Variants in TRMT11 observed in about 807,000 individuals in gnomAD.
TRMT11 encodes tRNA (guanine(10)-N(2))-methyltransferase TRMT11.
TRMT11 carries 53 observed loss-of-function variants against 62.8 expected under a neutral mutation model. That is an observed-to-expected ratio of 0.84 (90% CI 0.68 to 1.06). The LOEUF is 1.06. Ranked by LOEUF, TRMT11 falls within the 50% of genes least tolerant of loss-of-function variation. TRMT11 has a pLI of 0.00. For synonymous variants in TRMT11, 188 were observed against 190.3 expected, an observed-to-expected ratio of 0.99 and a Z score of 0.10; for missense variants, 556 against 553.4, an observed-to-expected ratio of 1.00 and a Z score of -0.05.
At chr6:126,123,508 A>G (rs1477862395) in intron 21 of TRMT11, among the ~76,000 whole-genome samples, 2 of 152,100 alleles carry the variant, frequency 1.3e-5, no homozygotes, top group Non-Finnish European at 2.9e-5. Flanking sequence ...CTTGTCCTTC[A>G]ACCTTGACTT....
chr6:126,107,409 A>G (rs1777476612), intron 17 of TRMT11, among the ~76,000 whole-genome samples: 1 of 152,138 alleles, frequency 6.6e-6, no homozygotes. Flanking sequence ...ATACCCTGAC[A>G]AGGTATGAAC....
chr6:126,102,254 T>C (rs1264024280), intron 17 of TRMT11, among the ~76,000 whole-genome samples: 1 of 152,180 alleles, frequency 6.6e-6, no homozygotes, highest in East Asian at 1.9e-4. Flanking sequence ...GCCAACCCTA[T>C]ATTAAATAAA....
In TRMT11 at chr6:126,005,347, T is replaced by A. The variant is rs1239846892; in HGVS notation, c.680-3045T>A. Among the ~76,000 whole-genome samples the A allele has an allele frequency of 5.1e-4, 77 of 152,092 alleles. 1 individual carries two copies. Among genetic ancestry groups the A allele is most frequent in the Admixed American group, 5.0e-3 (77 of 15,256 alleles). On this transcript the variant is annotated intron_variant, in intron 7 of 12. Coordinates refer to ENST00000334379, the MANE Select transcript of TRMT11 (RefSeq NM_001031712.3). ...AAGAAAAGAATAAATAGAGCAAAGT[T>A]TAAATCTTTTTACCAATTAGTATGT...
chr6:126,181,776 A>G (rs1237618440), intron 1 of TRMT11, among the ~76,000 whole-genome samples: 1 of 152,170 alleles, frequency 6.6e-6, no homozygotes, highest in Admixed American at 6.5e-5. Flanking sequence ...GTGTTCTAAT[A>G]TCTGGCCTGT....
chr6:125,997,791 TAACC>T (rs1273277480), intron 3 of TRMT11, among the ~76,000 whole-genome samples: 1 of 152,194 alleles, frequency 6.6e-6, no homozygotes, highest in East Asian at 1.9e-4. Flanking sequence ...TTACAGGCGT[TAACC>T]ACTGTGCCTG....
chr6:126,142,157 T>G (rs1777923617), intron 21 of TRMT11, among the ~76,000 whole-genome samples: 1 of 152,078 alleles, frequency 6.6e-6, no homozygotes, highest in Non-Finnish European at 1.5e-5. Context: ...GTCTTTTACC[T>G]AACTCTTCAT....
chr6:126,229,197 A>T, the TRMT11 span, among the ~76,000 whole-genome samples: 2 of 152,162 alleles, frequency 1.3e-5, no homozygotes, highest in South Asian at 2.1e-4. Flanking sequence ...CTTATTGAAA[A>T]TTTTTTGTCT....
At chr6:126,128,532 C>T (rs909751762) in intron 21 of TRMT11, among the ~76,000 whole-genome samples, 1 of 152,064 alleles carries the variant, frequency 6.6e-6, no homozygotes, top group African/African-American at 2.4e-5. Flanking sequence ...TGTCCTTGGA[C>T]CACTTACTGT....
chr6:126,064,157 GA>G (rs1189513451), intron 17 of TRMT11, among the ~76,000 whole-genome samples: 1 of 151,956 alleles, frequency 6.6e-6, no homozygotes, highest in Non-Finnish European at 1.5e-5. Context: ...AGATGGGGGT[GA>G]GCTCTGAGTG....
At chr6:125,989,219 C>G (rs573838862) in intron 1 of TRMT11, among the ~76,000 whole-genome samples, 48 of 150,420 alleles carry the variant, frequency 3.2e-4, no homozygotes, top group African/African-American at 1.1e-3. Context: ...AGCTCCGCCT[C>G]CCTATTCAAG....
At chr6:126,245,808 C>A in the TRMT11 span, among the ~76,000 whole-genome samples, 1 of 152,030 alleles carries the variant, frequency 6.6e-6, no homozygotes, top group Non-Finnish European at 1.5e-5. Flanking sequence ...TACCAAAAAA[C>A]CGTTATAGGC....
At chr6:126,266,200 C>T in the TRMT11 span, among the ~76,000 whole-genome samples, 3 of 152,116 alleles carry the variant, frequency 2.0e-5, no homozygotes, top group Admixed American at 6.5e-5. Context: ...ATGTCTAGTG[C>T]GTGTTATATC....
chr6:125,991,833 A>G (rs1790679146), intron 1 of TRMT11, among the ~76,000 whole-genome samples: 1 of 152,222 alleles, frequency 6.6e-6, no homozygotes, highest in Non-Finnish European at 1.5e-5. Context: ...TACTTAATGT[A>G]GTACTTATTG....
chr6:126,143,249 G>A (rs1389976687), intron 21 of TRMT11, among the ~76,000 whole-genome samples: 2 of 152,022 alleles, frequency 1.3e-5, no homozygotes, highest in African/African-American at 2.4e-5. Flanking sequence ...TCACTGAAAG[G>A]CCCTTAGCTT....
At chr6:126,221,228 G>A in the TRMT11 span, among the ~76,000 whole-genome samples, 1 of 152,186 alleles carries the variant, frequency 6.6e-6, no homozygotes, top group Admixed American at 6.5e-5. Context: ...ACATATGCAT[G>A]TATGTGCCTT....
chr6:126,170,164 T>C (rs6935937), intron 21 of TRMT11, among the ~76,000 whole-genome samples: 50,324 of 151,926 alleles, frequency 0.33, 8,927 homozygotes, highest in African/African-American at 0.44. Flanking sequence ...GTTTCATTTT[T>C]TCCCTCTCTG....
intron 8 of TRMT11, among the ~76,000 whole-genome samples, chr6:126,008,901 A>G (rs1482183232): frequency 6.6e-6 from 1 of 151,892 alleles, no homozygotes; most frequent in African/African-American, 2.4e-5. Context: ...CAAATACAAA[A>G]TTGTGATATA....
At chr6:126,256,421 A>T in the TRMT11 span, among the ~76,000 whole-genome samples, 1 of 152,180 alleles carries the variant, frequency 6.6e-6, no homozygotes, top group Admixed American at 6.5e-5. Flanking sequence ...AAGAATCCTC[A>T]GTTTCTTCTT....
At chr6:125,993,960 A>T (rs1224269329) in intron 2 of TRMT11, 138 bp downstream of exon 2, 2 of 474,050 alleles carry the variant, frequency 4.2e-6, no homozygotes, top group Non-Finnish European at 7.4e-6. Context: ...AATAAAGTGG[A>T]TATTTTTGGA....
Sources: allele counts gnomAD v4.1 joint callset (sites outside exome capture counted in the v4.1 genomes callset), GRCh38; gene constraint gnomAD v4.1.1; transcripts MANE v1.5; gene names NCBI Gene and HGNC (gene_info 2026-07-23, HGNC 2026-07-21).